The following SNRPN variants were observed in gnomAD, a reference collection of about 807,000 sequenced individuals.
SNRPN encodes the protein small nuclear ribonucleoprotein-associated protein N.
Under a neutral mutation model 25.2 loss-of-function variants are expected in SNRPN, and 7 were observed. The observed-to-expected ratio is 0.28, with a 90% CI of 0.16 to 0.52. The LOEUF (loss-of-function observed/expected upper bound fraction) is 0.52, where lower values mean the gene tolerates loss of function less well. SNRPN is among the 20% of genes least tolerant of loss of function. The pLI, the probability that SNRPN is intolerant of heterozygous loss-of-function variation, is 0.96. For synonymous variants in SNRPN, 124 were observed against 110.6 expected, an observed-to-expected ratio of 1.12 and a Z score of -0.76; for missense variants, 196 against 322.5, an observed-to-expected ratio of 0.61 and a Z score of 3.00.
intron 3 of SNRPN, among the ~76,000 whole-genome samples, chr15:24,928,822 A>G (rs1394224880): frequency 3.3e-5 from 5 of 151,902 alleles, no homozygotes; most frequent in Non-Finnish European, 7.4e-5. Context: ...TGCCCAGGCT[A>G]GTCTCAAACT....
At chr15:24,890,440 G>T (rs138188853) in intron 2 of SNRPN, among the ~76,000 whole-genome samples, 6 of 152,174 alleles carry the variant, frequency 3.9e-5, no homozygotes, top group Non-Finnish European at 8.8e-5. Flanking sequence ...ACTTTGGGAG[G>T]CTGAGGCGGG....
rs35564149 is a variant in SNRPN at position 24,882,237 on chromosome 15, T to TA, written c.-578-4269dup. Among the ~76,000 whole-genome samples, 718 of 151,008 alleles carry TA rather than the reference T, an allele frequency of 4.8e-3. 4 individuals carry two copies. Among genetic ancestry groups the TA allele is most frequent in the African/African-American group, 0.016 (670 of 41,282 alleles). On this transcript the variant is annotated intron_variant, in intron 1 of 11. Transcript: ENST00000400097. ...ACTTTCATTTTTGCTACAAAGCCTT[T>TA]AAAAAAAAAATTCAGTTACTCTAGA...
At chr15:24,940,706 C>A (rs1369517261) in intron 3 of SNRPN, among the ~76,000 whole-genome samples, 1 of 151,896 alleles carries the variant, frequency 6.6e-6, no homozygotes, top group Non-Finnish European at 1.5e-5. Flanking sequence ...GTGCTGTAGG[C>A]GGTGTCTAAG....
Position 24,834,728 on chromosome 15 carries a change from C to CTCTCTCTCTCTCT in SNRPN, c.-579+4823_-579+4824insTCTCTCTCTCTCT, listed in dbSNP as rs2050864758. Among the ~76,000 whole-genome samples, 118 of 42,776 alleles carry CTCTCTCTCTCTCT rather than the reference C, an allele frequency of 2.8e-3. 10 individuals are homozygous for CTCTCTCTCTCTCT. Among genetic ancestry groups the CTCTCTCTCTCTCT allele is most frequent in the Non-Finnish European group, 3.7e-3 (82 of 22,432 alleles). 28.1% of individuals were successfully genotyped at this position (42,776 alleles called of 152,430 possible). ...GAGTGAGACCTTGTCTCTCTCTCTCCCTCTCTCTCTCTCTCTCTCTCTCTA... is the reference window on the plus strand; with the variant it reads ...GAGTGAGACCTTGTCTCTCTCTCTCCTCTCTCTCTCTCTCTCTCTCTCTCTCTCTCTCTCTCTA... On this transcript the variant is annotated intron_variant, in intron 2 of 12. Transcript: ENST00000400100.
intron 1 of SNRPN, among the ~76,000 whole-genome samples, chr15:24,866,735 C>T (rs1285202406): frequency 6.6e-6 from 1 of 152,154 alleles, no homozygotes; most frequent in East Asian, 1.9e-4. Flanking sequence ...TTCTACATCC[C>T]CACTTGTATG....
At chr15:24,877,295 G>T (rs2056007885) in intron 1 of SNRPN, among the ~76,000 whole-genome samples, 1 of 152,170 alleles carries the variant, frequency 6.6e-6, no homozygotes, top group Non-Finnish European at 1.5e-5. Flanking sequence ...TTGCTTTCAT[G>T]CCTTAAAGTC....
intron 2 of SNRPN, among the ~76,000 whole-genome samples, chr15:24,964,626 G>A (rs17114912): frequency 0.04 from 6,032 of 152,006 alleles, 409 homozygotes; most frequent in African/African-American, 0.14. Flanking sequence ...CAGCTCTGAC[G>A]TTTTTTTAAA....
chr15:24,937,968 A>G (rs567748784), intron 3 of SNRPN, among the ~76,000 whole-genome samples: 1 of 152,334 alleles, frequency 6.6e-6, no homozygotes, highest in African/African-American at 2.4e-5. Flanking sequence ...TTGAGGTTGA[A>G]TGATACTCCA....
intron 2 of SNRPN, among the ~76,000 whole-genome samples, chr15:24,830,788 TA>T (rs1263369958): frequency 2.0e-5 from 3 of 152,128 alleles, no homozygotes; most frequent in Non-Finnish European, 2.9e-5. Flanking sequence ...TTTGAGTGCA[TA>T]CATTGTATTA....
At chr15:24,918,331 T>C (rs1415266689) in intron 2 of SNRPN, among the ~76,000 whole-genome samples, 2 of 65,266 alleles carry the variant, frequency 3.1e-5, no homozygotes, top group East Asian at 8.8e-4. Flanking sequence ...TATAACATAA[T>C]ATATATGTGT....
intron 3 of SNRPN, among the ~76,000 whole-genome samples, chr15:24,928,115 TC>T (rs1039163761): frequency 1.3e-5 from 2 of 152,188 alleles, no homozygotes; most frequent in African/African-American, 4.8e-5. Context: ...CAGGGAACTC[TC>T]CTATACTTTT....
At chr15:24,827,848 C>T (rs1343210387) in intron 1 of SNRPN, among the ~76,000 whole-genome samples, 1 of 135,776 alleles carries the variant, frequency 7.4e-6, no homozygotes, top group Non-Finnish European at 1.5e-5. Context: ...GACTGGGTGA[C>T]AAAGCGAGAC....
chr15:24,833,753 A>C (rs2050758918), intron 2 of SNRPN, among the ~76,000 whole-genome samples: 2 of 151,738 alleles, frequency 1.3e-5, no homozygotes, highest in Admixed American at 1.3e-4. Flanking sequence ...AGAGCTACGC[A>C]GGAAGAGAGG....
At chr15:24,885,936 G>C (rs1358898925) in intron 1 of SNRPN, among the ~76,000 whole-genome samples, 3 of 152,128 alleles carry the variant, frequency 2.0e-5, no homozygotes, top group Non-Finnish European at 4.4e-5. Context: ...CAAAGTTCAA[G>C]AATGTCCTCA....
At chr15:24,854,656 C>A (rs1474774352), upstream of SNRPN, among the ~76,000 whole-genome samples, 9 of 152,186 alleles carry the variant, frequency 5.9e-5, no homozygotes, top group African/African-American at 2.2e-4. Flanking sequence ...ATTTGTTGTA[C>A]TTTTGTTATT....
intron 2 of SNRPN, among the ~76,000 whole-genome samples, chr15:24,842,316 C>G (rs191982628): frequency 6.6e-6 from 1 of 152,270 alleles, no homozygotes; most frequent in African/African-American, 2.4e-5. Flanking sequence ...CTGCATCCTC[C>G]GCTGCAGTGC....
At chr15:24,870,979 C>T (rs1284061460) in intron 1 of SNRPN, among the ~76,000 whole-genome samples, 1 of 151,856 alleles carries the variant, frequency 6.6e-6, no homozygotes, top group African/African-American at 2.4e-5. Flanking sequence ...CTCCCAGGTT[C>T]CAGCAATTAT....
rs577745030 is a variant in SNRPN, at chr15:24,891,130, G to A, written c.-505+4541G>A. Among the ~76,000 whole-genome samples the A allele has an allele frequency of 3.4e-4, 52 of 152,166 alleles. No individual in the cohort carries two copies. In the East Asian group the frequency reaches 8.7e-3, roughly 26 times the overall value. On this transcript the variant is annotated intron_variant, in intron 2 of 11. Coordinates refer to the SNRPN transcript ENST00000400097. ...CTTGCTATGTTGGCCAGGCTAGCCTGAAACTCCTGGCCTCAAGTGATCTGC... is the reference window on the plus strand; with the variant it reads ...CTTGCTATGTTGGCCAGGCTAGCCTAAAACTCCTGGCCTCAAGTGATCTGC...
At chr15:24,934,296 TC>T (rs757982972) in intron 3 of SNRPN, among the ~76,000 whole-genome samples, 8 of 152,022 alleles carry the variant, frequency 5.3e-5, no homozygotes, top group Admixed American at 3.3e-4. Flanking sequence ...AGACTCTGTC[TC>T]AAAAAATAAA....
Sources: allele counts gnomAD v4.1 joint callset (sites outside exome capture counted in the v4.1 genomes callset), GRCh38; gene constraint gnomAD v4.1.1; transcripts MANE v1.5; gene names NCBI Gene and HGNC (gene_info 2026-07-23, HGNC 2026-07-21).